The following DEFB124 variants were observed in gnomAD, a reference collection of about 807,000 sequenced individuals.
DEFB124 encodes beta-defensin 124.
For synonymous variants in DEFB124, 38 were observed against 36.5 expected (o/e 1.04, Z -0.15); for missense variants, 78 against 83.1 (o/e 0.94, Z 0.24).
rs183668776 is a variant in DEFB124 at position 31,474,131 on chromosome 20, A to C, written c.-26+496T>G. ...GACTTTTGTATTATAGACAACCAAA[A>C]GTTTTTTAGCAAGAGTGTAAGCTGT... On this transcript the variant is annotated intron_variant, in intron 1 of 2. Transcript: ENST00000317676. Among the ~76,000 whole-genome samples, 34 of 152,358 alleles carry C rather than the reference A, an allele frequency of 2.2e-4. No homozygotes were observed. The East Asian group carries it at 6.2e-3, about 28-fold the overall frequency.
At chr20:31,472,166 C>A (rs74755815) in intron 2 of DEFB124, among the ~76,000 whole-genome samples, 1 of 151,542 alleles carries the variant, frequency 6.6e-6, no homozygotes, top group East Asian at 1.9e-4. Flanking sequence ...CTCGGGAGGC[C>A]GAGGCTGGCG....
At chr20:31,470,659 A>ACCCCCCC (rs1980241129) in intron 2 of DEFB124, among the ~76,000 whole-genome samples, 2 of 105,234 alleles carry the variant, frequency 1.9e-5, no homozygotes, top group Non-Finnish European at 3.8e-5. Flanking sequence ...CGGGGGGCTG[A>ACCCCCCC]ACCCCCCACC....
intron 2 of DEFB124, among the ~76,000 whole-genome samples, chr20:31,471,344 G>A (rs1260189015): frequency 5.8e-5 from 1 of 17,120 alleles, no homozygotes; most frequent in Non-Finnish European, 1.2e-4. Context: ...CGGACGGGGC[G>A]GCTGGCCGGG....
chr20:31,467,909 T>A (rs964327463), intron 2 of DEFB124, among the ~76,000 whole-genome samples: 1 of 152,072 alleles, frequency 6.6e-6, no homozygotes. Flanking sequence ...CACACCACTA[T>A]ACCCAACTAA....
intron 2 of DEFB124, among the ~76,000 whole-genome samples, chr20:31,466,703 C>G (rs1367655519): frequency 6.6e-6 from 1 of 151,170 alleles, no homozygotes; most frequent in Non-Finnish European, 1.5e-5. Flanking sequence ...AGAGTCCACA[C>G]CCATTACATA....
At chr20:31,473,122 C>T (rs747695942) in intron 1 of DEFB124, 84 bp from the exon 2 acceptor site, 62 of 1,285,888 alleles carry the variant, frequency 4.8e-5, no homozygotes, top group Non-Finnish European at 6.0e-5. Flanking sequence ...CAGATGAAGG[C>T]AGTGCTGTGG....
intron 2 of DEFB124, among the ~76,000 whole-genome samples, chr20:31,470,224 C>T (rs1980202922): frequency 6.9e-6 from 1 of 145,772 alleles, no homozygotes; most frequent in Non-Finnish European, 1.5e-5. Flanking sequence ...CCACCTCCCT[C>T]CTGGACAAGG....
chr20:31,472,253 A>T (rs1406347134), intron 2 of DEFB124, among the ~76,000 whole-genome samples: 1 of 151,988 alleles, frequency 6.6e-6, no homozygotes, highest in East Asian at 1.9e-4. Flanking sequence ...AAGTACGAAA[A>T]CCAGTCAGGC....
intron 2 of DEFB124, among the ~76,000 whole-genome samples, chr20:31,471,302 G>A (rs1287757829): frequency 1.0e-3 from 132 of 127,000 alleles, no homozygotes; most frequent in African/African-American, 3.9e-3. Flanking sequence ...GCGGCTGGCC[G>A]GGCGGGGGGC....
chr20:31,470,606 A>AC lies in DEFB124; in HGVS notation c.58+2349dup, dbSNP rs746201611. Among the ~76,000 whole-genome samples, 132 of 24,370 alleles carry AC rather than the reference A, an allele frequency of 5.4e-3. 5 individuals carry two copies. Among genetic ancestry groups the AC allele is most frequent in the African/African-American group, 0.012 (63 of 5,344 alleles). The allele number at this position is 24,370 out of a possible 152,430, so 16.0% of individuals were successfully genotyped here. ...GGGCGGCTGGCCGGGCGGGGGGCTGACCCCCCCCCCCACCTCCCTCCCGGA... is the reference window on the plus strand; with the variant it reads ...GGGCGGCTGGCCGGGCGGGGGGCTGACCCCCCCCCCCCACCTCCCTCCCGGA... On this transcript the variant is annotated intron_variant, in intron 2 of 2. Transcript: ENST00000317676.
intron 2 of DEFB124, 94 bp downstream of exon 2, chr20:31,472,856 AGAGGCC>A: frequency 7.0e-7 from 1 of 1,419,452 alleles, no homozygotes; most frequent in South Asian, 1.5e-5. Context: ...AAATGCTGAT[AGAGGCC>A]CCTCTGTCCT....
chr20:31,470,013 C>CA (rs1299108025), intron 2 of DEFB124, among the ~76,000 whole-genome samples: 1 of 149,198 alleles, frequency 6.7e-6, no homozygotes, highest in African/African-American at 2.5e-5. Context: ...CCTCACTTCC[C>CA]AGTAGGGGCG....
intron 2 of DEFB124, chr20:31,472,587 C>T (rs1282579175): frequency 4.6e-6 from 1 of 217,350 alleles, no homozygotes; most frequent in Non-Finnish European, 9.2e-6. Context: ...CTTTCCTCTT[C>T]TCAGCACTTA....
chr20:31,470,297 A>C (rs1746295703), intron 2 of DEFB124, among the ~76,000 whole-genome samples: 2 of 131,960 alleles, frequency 1.5e-5, no homozygotes, highest in Non-Finnish European at 3.2e-5. Flanking sequence ...CTGGCCGGGC[A>C]GAGGGGTTCC....
At chr20:31,467,045 C>A (rs1459803568) in intron 2 of DEFB124, among the ~76,000 whole-genome samples, 2 of 152,084 alleles carry the variant, frequency 1.3e-5, no homozygotes, top group East Asian at 1.9e-4. Context: ...ACTGTGATGG[C>A]CAGTTAGAAT....
chr20:31,468,726 C>T (rs550888664), intron 2 of DEFB124, among the ~76,000 whole-genome samples: 2 of 152,034 alleles, frequency 1.3e-5, no homozygotes, highest in African/African-American at 2.4e-5. Context: ...CCACCCGCCT[C>T]GGCCTCCCAA....
chr20:31,468,759 G>T (rs949918322), intron 2 of DEFB124, among the ~76,000 whole-genome samples: 3 of 152,018 alleles, frequency 2.0e-5, no homozygotes, highest in African/African-American at 7.2e-5. Context: ...ACAGGCGTGA[G>T]CCACCGCGCC....
rs904769237 is a variant in DEFB124 at position 31,469,863 on chromosome 20, C to T, written c.58+3093G>A. On this transcript the variant is annotated intron_variant, in intron 2 of 2. Transcript: ENST00000317676. ...ATGTCTATTTCTTTCTACACAGACA[C>T]GGCAACCATCCGATTTCTCAATCTT... is the stretch of plus-strand genomic sequence containing the variant. 1.7e-3 allele frequency among the ~76,000 whole-genome samples: 249 copies of T among 148,942 alleles called. 1 individual carries two copies. Among genetic ancestry groups the T allele is most frequent in the African/African-American group, 6.1e-3 (237 of 39,078 alleles).
At chr20:31,473,354 C>T (rs151250474) in intron 1 of DEFB124, among the ~76,000 whole-genome samples, 14 of 152,224 alleles carry the variant, frequency 9.2e-5, no homozygotes, top group African/African-American at 3.4e-4. Context: ...TTCAATCCCC[C>T]GCATCTCCCC....
Sources: allele counts gnomAD v4.1 joint callset (sites outside exome capture counted in the v4.1 genomes callset), GRCh38; gene constraint gnomAD v4.1.1; transcripts MANE v1.5; gene names NCBI Gene and HGNC (gene_info 2026-07-23, HGNC 2026-07-21).